The following MMRN1 variants were observed in gnomAD, a reference collection of about 807,000 sequenced individuals.
MMRN1 encodes the protein multimerin 1.
Under a neutral mutation model 100.7 loss-of-function variants are expected in MMRN1, and 94 were observed. The observed-to-expected ratio is 0.93, with a 90% CI of 0.79 to 1.11. MMRN1 has a LOEUF of 1.11. MMRN1 is among the 50% of genes least tolerant of loss of function. The pLI is 0.00. For missense variants in MMRN1, 1,606 were observed against 1,439.1 expected (o/e 1.12, Z -1.88); for synonymous variants, 575 against 505.0 (o/e 1.14, Z -1.86).
Position 89,912,338 on chromosome 4 carries a change from C to G in MMRN1, c.850+288C>G, listed in dbSNP as rs183707486. Among the ~76,000 whole-genome samples, 493 of 151,206 alleles carry G rather than the reference C, an allele frequency of 3.3e-3. 5 individuals carry two copies. The highest frequency in any genetic ancestry group is 0.011 in the African/African-American group (473 of 41,390). ...CTTAACAACAAGCTATAGAGGCATGCCTTATTAAAATATCAGGAATGCTAA... is the reference window on the plus strand; with the variant it reads ...CTTAACAACAAGCTATAGAGGCATGGCTTATTAAAATATCAGGAATGCTAA... On this transcript the variant is annotated intron_variant, in intron 3 of 7. Coordinates refer to ENST00000264790, the MANE Select transcript of MMRN1 (RefSeq NM_007351.3).
intron 5 of MMRN1, among the ~76,000 whole-genome samples, chr4:89,931,823 T>C (rs775545512): frequency 2.0e-5 from 3 of 152,080 alleles, no homozygotes; most frequent in Non-Finnish European, 2.9e-5. Context: ...CCACAATGCA[T>C]GGGTATTATG....
intron 4 of MMRN1, among the ~76,000 whole-genome samples, chr4:89,925,666 C>G (rs1722231804): frequency 6.6e-6 from 1 of 151,804 alleles, no homozygotes; most frequent in East Asian, 2.0e-4. Context: ...CCTGTCTCTA[C>G]TCAAATAAAA....
rs1723279098 is a variant in MMRN1 at position 89,954,256 on chromosome 4, T to A, written c.*838T>A. On this transcript the variant is annotated 3_prime_UTR_variant, in exon 8 of 8. Coordinates refer to ENST00000264790, the MANE Select transcript of MMRN1 (RefSeq NM_007351.3). Reference sequence around the variant, plus strand: ...CTGTTTCTCTTCTAAACAATTTACATGTAATGTCTCATTCCTCACAATAAC... The same window carrying A: ...CTGTTTCTCTTCTAAACAATTTACAAGTAATGTCTCATTCCTCACAATAAC... 1 of 152,182 alleles carries A rather than the reference T, an allele frequency of 6.6e-6. No individual in the cohort carries two copies. The highest frequency in any genetic ancestry group is 1.5e-5 in the Non-Finnish European group (1 of 68,040). 9.4% of individuals were successfully genotyped at this position (152,182 alleles called of 1,614,324 possible). A position where few individuals can be genotyped will look rare whatever the true frequency, so the allele number is the denominator to read the frequency against.
upstream of MMRN1, among the ~76,000 whole-genome samples, chr4:89,893,865 A>C (rs1257031899): frequency 6.6e-6 from 1 of 152,134 alleles, no homozygotes; most frequent in African/African-American, 2.4e-5. Flanking sequence ...CTGATATGAA[A>C]TTTTATAGAT....
intron 1 of MMRN1, among the ~76,000 whole-genome samples, chr4:89,887,554 C>T (rs1720964957): frequency 6.6e-6 from 1 of 151,986 alleles, no homozygotes; most frequent in East Asian, 1.9e-4. Context: ...CATTTATATT[C>T]AGTATTATGT....
At chr4:89,944,653 T>C (rs1247730339) in intron 6 of MMRN1, among the ~76,000 whole-genome samples, 3 of 152,092 alleles carry the variant, frequency 2.0e-5, no homozygotes, top group South Asian at 2.1e-4. Context: ...CATCTAGATA[T>C]GAGAAAATGA....
chr4:89,933,400 C>G (rs1238611555), intron 5 of MMRN1, among the ~76,000 whole-genome samples: 1 of 152,164 alleles, frequency 6.6e-6, no homozygotes, highest in Non-Finnish European at 1.5e-5. Flanking sequence ...GTCGCTTCCA[C>G]ATTTTCAGGT....
chr4:89,930,179 T>C (rs1199457153), intron 5 of MMRN1, among the ~76,000 whole-genome samples: 1 of 152,166 alleles, frequency 6.6e-6, no homozygotes, highest in Non-Finnish European at 1.5e-5. Flanking sequence ...GAAATCAGAT[T>C]CTTGTACAGA....
intron 7 of MMRN1, among the ~76,000 whole-genome samples, chr4:89,952,301 G>T (rs1723205648): frequency 6.6e-6 from 1 of 152,066 alleles, no homozygotes; most frequent in African/African-American, 2.4e-5. Context: ...TGGTGCTTTG[G>T]ATTTACTTCA....
At chr4:89,931,550 A>T (rs1421455998) in intron 5 of MMRN1, among the ~76,000 whole-genome samples, 1 of 152,152 alleles carries the variant, frequency 6.6e-6, no homozygotes, top group Non-Finnish European at 1.5e-5. Context: ...TATTGCTATT[A>T]AAAAAACCTG....
At chr4:89,903,559 T>A (rs948778867) in intron 1 of MMRN1, among the ~76,000 whole-genome samples, 2 of 151,834 alleles carry the variant, frequency 1.3e-5, no homozygotes, top group Admixed American at 6.6e-5. Flanking sequence ...CCATATTATA[T>A]ATATCCTCTT....
At chr4:89,922,959 A>G (rs1722136521) in intron 3 of MMRN1, among the ~76,000 whole-genome samples, 1 of 152,052 alleles carries the variant, frequency 6.6e-6, no homozygotes, top group South Asian at 2.1e-4. Flanking sequence ...TTTTTTTCCA[A>G]GCAGAATTAG....
At position 89,951,631 on chromosome 4, in the gene MMRN1, C is replaced by A; in HGVS notation, c.3145C>A (p.Pro1049Thr). 6.5e-7 allele frequency: 1 copy of A among 1,538,678 alleles called. No individual in the cohort carries two copies. Among genetic ancestry groups the A allele is most frequent in the Non-Finnish European group, 8.7e-7 (1 of 1,147,078 alleles). ...GGAGTATTCAAGCTGTAGTCGGCAT[C>A]CGTGCCAAAATGGGGGCACGTGCAT... Reference protein sequence around the residue: ...PEEYSSCSRHPCQNGGTCING... With the variant: ...PEEYSSCSRHTCQNGGTCING... Residue 1049 changes from proline to threonine, a missense_variant, in exon 7 of 8, where the codon CCG becomes ACG. By Grantham distance (38) the Pro-to-Thr change is conservative (BLOSUM62 -1). Coordinates refer to ENST00000264790, the MANE Select transcript of MMRN1 (RefSeq NM_007351.3).
At chr4:89,898,181 C>T (rs1397013184) in intron 1 of MMRN1, among the ~76,000 whole-genome samples, 2 of 152,102 alleles carry the variant, frequency 1.3e-5, no homozygotes, top group Non-Finnish European at 2.9e-5. Flanking sequence ...TTCGTACTTT[C>T]ATTTGATTGG....
At chr4:89,890,067 G>A (rs1034637051), upstream of MMRN1, among the ~76,000 whole-genome samples, 2 of 151,864 alleles carry the variant, frequency 1.3e-5, no homozygotes, top group East Asian at 2.0e-4. Flanking sequence ...GTACTCAGGC[G>A]AGGCTTCTTG....
chr4:89,887,969 A>G (rs754505064), intron 1 of MMRN1, among the ~76,000 whole-genome samples: 1 of 151,994 alleles, frequency 6.6e-6, no homozygotes, highest in African/African-American at 2.4e-5. Flanking sequence ...CTCCAATTAT[A>G]GGTATGTTGA....
chr4:89,935,887 A>G lies in MMRN1; in HGVS notation c.2207A>G (p.Asn736Ser). ...CTCAATAAGACAATGACTATTATAAATAATGCTATTGATTTCATTCAAGAT... is the reference window on the plus strand; with the variant it reads ...CTCAATAAGACAATGACTATTATAAGTAATGCTATTGATTTCATTCAAGAT... ...DGLNKTMTII[N>S]NAIDFIQDNY... is the part of the protein sequence containing the mutation. Residue 736 changes from asparagine (N) to serine (S), a missense_variant, in exon 6 of 8, where the codon AAT becomes AGT. By Grantham distance (46) the Asn-to-Ser change is conservative (BLOSUM62 1). Coordinates refer to ENST00000264790, the MANE Select transcript of MMRN1 (RefSeq NM_007351.3). The G allele has an allele frequency of 6.2e-7, 1 of 1,610,010 alleles. No individual in the cohort carries two copies. Among genetic ancestry groups the G allele is most frequent in the Non-Finnish European group, 8.5e-7 (1 of 1,178,088 alleles).
chr4:89,953,476 T>A lies in MMRN1; in HGVS notation c.*58T>A. 6.8e-7 allele frequency: 1 copy of A among 1,479,904 alleles called. No homozygotes were observed. Among genetic ancestry groups the A allele is most frequent in the Non-Finnish European group, 9.0e-7 (1 of 1,105,014 alleles). 91.7% of individuals were successfully genotyped at this position (1,479,904 alleles called of 1,614,324 possible). ...GAGAAACAGCCAGTGTTTTCATTTA[T>A]CTTTGCTTGCACATCTGCTCTGTTT... On this transcript the variant is annotated 3_prime_UTR_variant, in exon 8 of 8. Transcript: ENST00000264790.
chr4:89,912,206 T>G (rs1322875769), intron 3 of MMRN1, among the ~76,000 whole-genome samples, 156 bp downstream of exon 3: 1 of 151,310 alleles, frequency 6.6e-6, no homozygotes, highest in Non-Finnish European at 1.5e-5. Flanking sequence ...TTGGTAGCTT[T>G]TATAACACTC....
Sources: gnomAD v4.1 joint callset for allele counts (sites outside exome capture counted in the v4.1 genomes callset) on GRCh38, gnomAD v4.1.1 for gene constraint, MANE v1.5 for transcripts, NCBI Gene and HGNC (gene_info 2026-07-23, HGNC 2026-07-21) for gene names.